Variants in EFR3A observed in about 807,000 individuals in gnomAD.
EFR3A encodes EFR3 homolog A, also known as protein EFR3 homolog A.
A neutral mutation model predicts 104.4 loss-of-function variants in EFR3A; 76 were observed. That is an observed-to-expected ratio of 0.73 (90% confidence interval 0.60 to 0.88). The LOEUF is 0.88. EFR3A is among the 40% of genes least tolerant of loss of function. EFR3A has a pLI of 0.00. For missense variants in EFR3A, 985 were observed against 1,012.5 expected (o/e 0.97, Z 0.37); for synonymous variants, 330 against 330.0 (o/e 1.00, Z 0.00).
intron 22 of EFR3A, among the ~76,000 whole-genome samples, chr8:132,006,782 C>G (rs1822076982): frequency 6.6e-6 from 1 of 151,770 alleles, no homozygotes; most frequent in Non-Finnish European, 1.5e-5. Flanking sequence ...AAAATGTTAG[C>G]AAATGTATAA....
chr8:131,968,116 C>CACT (rs1284832307), intron 8 of EFR3A, among the ~76,000 whole-genome samples, 179 bp from the exon 9 acceptor site: 1 of 151,978 alleles, frequency 6.6e-6, no homozygotes, highest in African/African-American at 2.4e-5. Context: ...TAAATATTTT[C>CACT]CAGCATCTCT....
intron 1 of EFR3A, among the ~76,000 whole-genome samples, chr8:131,933,146 A>G (rs1817699149): frequency 6.6e-6 from 1 of 152,146 alleles, no homozygotes; most frequent in Admixed American, 6.6e-5. Context: ...CCAATCTTTT[A>G]TATATTAAAA....
At chr8:131,962,521 A>G (rs1025160995) in intron 8 of EFR3A, among the ~76,000 whole-genome samples, 4 of 152,234 alleles carry the variant, frequency 2.6e-5, no homozygotes, top group Non-Finnish European at 4.4e-5. Flanking sequence ...TCTCCTAAAT[A>G]TATATGCACC....
intron 9 of EFR3A, 67 bp from the exon 10 acceptor site, chr8:131,970,409 A>G: frequency 7.2e-7 from 1 of 1,397,612 alleles, no homozygotes. Context: ...GTGGAGAAAT[A>G]AGGTAATTGA....
chr8:132,000,455 C>G (rs1174582790), intron 19 of EFR3A, among the ~76,000 whole-genome samples: 1 of 152,152 alleles, frequency 6.6e-6, no homozygotes, highest in African/African-American at 2.4e-5. Flanking sequence ...TGCTAGGAAG[C>G]TGCATCATAA....
chr8:131,928,178 G>C (rs1222944639), intron 1 of EFR3A, among the ~76,000 whole-genome samples: 4 of 151,512 alleles, frequency 2.6e-5, no homozygotes, highest in East Asian at 1.9e-4. Context: ...TACTTAAAAT[G>C]TTCTTTGAAT....
In EFR3A at chr8:132,003,174, A is replaced by T; in HGVS notation, c.2311-62A>T. ...ATACTTTGTCTCTTAAGTTACATTG[A>T]TATTATTATATATAGATACCTAGAA... On this transcript the variant is annotated intron_variant, in intron 21 of 22. Coordinates refer to ENST00000254624, the MANE Select transcript of EFR3A (RefSeq NM_015137.6). 4 of 1,253,316 alleles carry T rather than the reference A, an allele frequency of 3.2e-6. No homozygotes were observed. The South Asian group carries it at 5.2e-5, about 16-fold the overall frequency. The allele number at this position is 1,253,316 out of a possible 1,614,324, so 77.6% of individuals were successfully genotyped here. A position where few individuals can be genotyped will look rare whatever the true frequency, so the allele number is the denominator to read the frequency against.
chr8:131,984,383 C>G (rs1820772045), intron 15 of EFR3A, 83 bp downstream of exon 15: 1 of 1,326,968 alleles, frequency 7.5e-7, no homozygotes, highest in African/African-American at 1.5e-5. Flanking sequence ...TATCCAAGGA[C>G]ATGAATTTTA....
chr8:131,932,932 C>T (rs1817683768), intron 1 of EFR3A, among the ~76,000 whole-genome samples: 1 of 151,966 alleles, frequency 6.6e-6, no homozygotes. Context: ...AATCACGATC[C>T]CTAACATTTG....
At position 131,944,889 on chromosome 8, in the gene EFR3A, C is replaced by G. The variant is rs1460081328; in HGVS notation, c.215+17C>G. 1.9e-6 allele frequency: 3 copies of G among 1,599,424 alleles called. No individual in the cohort carries two copies. In the South Asian group the frequency reaches 3.4e-5, roughly 18 times the overall value. ...TCGTTCTGGGTAAGGAAACTAATGGCTGCTAAAATAGTATCTTTGGAAAAT... is the reference window on the plus strand; with the variant it reads ...TCGTTCTGGGTAAGGAAACTAATGGGTGCTAAAATAGTATCTTTGGAAAAT... On this transcript the variant is annotated intron_variant, in intron 3 of 22. Coordinates refer to ENST00000254624, the MANE Select transcript of EFR3A (RefSeq NM_015137.6).
At chr8:131,909,213 C>A (rs920483176) in intron 1 of EFR3A, among the ~76,000 whole-genome samples, 1 of 152,142 alleles carries the variant, frequency 6.6e-6, no homozygotes, top group Non-Finnish European at 1.5e-5. Context: ...TCTTTGGATA[C>A]CATAACCGGA....
chr8:131,953,823 G>A lies in EFR3A; in HGVS notation c.494G>A (p.Arg165Gln), dbSNP rs1818832316. 8.7e-6 allele frequency: 13 copies of A among 1,492,574 alleles called. No individual in the cohort carries two copies. Among genetic ancestry groups the A allele is most frequent in the South Asian group, 2.7e-5 (2 of 74,640 alleles). 92.5% of individuals were successfully genotyped at this position (1,492,574 alleles called of 1,614,324 possible). The change falls in exon 6 of 23, where the codon CGA (arginine) becomes CAA (glutamine). Residue 165 changes from arginine to glutamine, a missense_variant. By Grantham distance (43) the Arg-to-Gln change is conservative. Coordinates refer to ENST00000254624, the MANE Select transcript of EFR3A (RefSeq NM_015137.6). ...CTTTTTTTTTTTTTTTATAGGATAC[G>A]AATTGCTGGAATTAGAGGTATTCAA... ...HSDPEIRTEI[R>Q]IAGIRGIQGV...
At chr8:131,966,378 G>A (rs916536186) in intron 8 of EFR3A, among the ~76,000 whole-genome samples, 1 of 152,096 alleles carries the variant, frequency 6.6e-6, no homozygotes, top group Non-Finnish European at 1.5e-5. Context: ...TTAGAAGAGT[G>A]CCAGTGCTTC....
chr8:131,985,757 G>T (rs1343237367), intron 16 of EFR3A, among the ~76,000 whole-genome samples: 1 of 152,184 alleles, frequency 6.6e-6, no homozygotes, highest in African/African-American at 2.4e-5. Flanking sequence ...CAAAAGCAGA[G>T]TACCTCTTTG....
chr8:131,907,776 TTTCCCCTC>T (rs1816323720), intron 1 of EFR3A, among the ~76,000 whole-genome samples: 1 of 151,786 alleles, frequency 6.6e-6, no homozygotes, highest in Non-Finnish European at 1.5e-5. Context: ...TCTCTCCCCT[TTTCCCCTC>T]TTCCCCCCTT....
chr8:131,913,375 C>CT (rs1816607421), intron 1 of EFR3A, among the ~76,000 whole-genome samples: 1 of 151,754 alleles, frequency 6.6e-6, no homozygotes, highest in Admixed American at 6.6e-5. Flanking sequence ...CATATTATCC[C>CT]TTTTGCATAT....
rs1820309108 is a variant in EFR3A at position 131,976,038 on chromosome 8, A to G, written c.1171A>G (p.Ser391Gly). ...AIIQTIGFFG[S>G]NLPDYQRSEI... is the part of the protein sequence containing the mutation. ...TAATACTTTCATAGGATTTTTTGGAAGTAACCTACCAGATTATCAGAGGTC... is the reference window on the plus strand; with the variant it reads ...TAATACTTTCATAGGATTTTTTGGAGGTAACCTACCAGATTATCAGAGGTC... Residue 391 changes from serine (S) to glycine (G), a missense_variant, in exon 11 of 23, where the codon AGT (serine) becomes GGT (glycine). Physicochemically the swap from Ser to Gly is moderately conservative, Grantham distance 56. Coordinates refer to ENST00000254624, the MANE Select transcript of EFR3A (RefSeq NM_015137.6). 6.3e-7 allele frequency: 1 copy of G among 1,596,066 alleles called. No homozygotes were observed.
intron 13 of EFR3A, 107 bp from the exon 14 acceptor site, chr8:131,979,239 C>A: frequency 9.9e-7 from 1 of 1,014,032 alleles, no homozygotes; most frequent in Non-Finnish European, 1.4e-6. Flanking sequence ...AGTATCATTA[C>A]ATACAGGCTT....
At chr8:131,940,454 A>G (rs1303071565) in intron 1 of EFR3A, 45 bp from the exon 2 acceptor site, 1 of 1,522,178 alleles carries the variant, frequency 6.6e-7, no homozygotes, top group African/African-American at 1.4e-5. Flanking sequence ...GCCTGTTTAC[A>G]ATATTAATAA....
Sources: allele counts gnomAD v4.1 joint callset (sites outside exome capture counted in the v4.1 genomes callset), GRCh38; gene constraint gnomAD v4.1.1; transcripts MANE v1.5; gene names NCBI Gene and HGNC (gene_info 2026-07-23, HGNC 2026-07-21).